Variants in EEF1AKMT2 observed in about 807,000 individuals in gnomAD.
EEF1AKMT2 encodes the protein EEF1A lysine methyltransferase 2, also known as eukaryotic translation elongation factor 1 alpha lysine methyltransferase 2.
In EEF1AKMT2, 32 loss-of-function variants were observed where a neutral mutation model predicts 35.8. The observed-to-expected ratio is 0.89, with a 90% CI of 0.67 to 1.20. The LOEUF (loss-of-function observed/expected upper bound fraction) is 1.20. Among genes scored for constraint, EEF1AKMT2 ranks in the 50% most tolerant of loss-of-function variants. The pLI, the probability that EEF1AKMT2 is intolerant of heterozygous loss-of-function variation, is 0.00. For synonymous variants in EEF1AKMT2, 121 were observed against 133.7 expected, an observed-to-expected ratio of 0.91 and a Z score of 0.65; for missense variants, 330 against 347.5, an observed-to-expected ratio of 0.95 and a Z score of 0.40.
At chr10:124,778,722 C>CA (rs11405149) in intron 3 of EEF1AKMT2, among the ~76,000 whole-genome samples, 64,792 of 119,200 alleles carry the variant, frequency 0.54, 17,188 homozygotes, top group South Asian at 0.67. Flanking sequence ...GACTCCGTAC[C>CA]AAAAAAAAAA....
In EEF1AKMT2 at chr10:124,791,745, G is replaced by A. The variant is rs201307810; in HGVS notation, c.89C>T (p.Ser30Leu). The A allele has an allele frequency of 1.6e-4, 261 of 1,592,054 alleles. 1 individual carries two copies. The highest frequency in any genetic ancestry group is 2.2e-4 in the Admixed American group (13 of 58,398). ...GSPGEDGFVPSALGTREHWDA... is the reference protein window; with the variant it reads ...GSPGEDGFVPLALGTREHWDA... Reference sequence around the variant, plus strand: ...TCACTGCTCGCGGGTCCCCAGCGCCGACGGGACGAAACCGTCCTCCCCGGG... The same window carrying A: ...TCACTGCTCGCGGGTCCCCAGCGCCAACGGGACGAAACCGTCCTCCCCGGG... The change falls in exon 1 of 7, where the codon TCG becomes TTG. Residue 30 changes from serine to leucine, a missense_variant. Transcript: ENST00000368836.
chr10:124,764,005 A>G (rs1257378064), intron 5 of EEF1AKMT2, among the ~76,000 whole-genome samples: 2 of 152,218 alleles, frequency 1.3e-5, no homozygotes, highest in Non-Finnish European at 2.9e-5. Context: ...TCAAGCCTCA[A>G]ACACTTCAGG....
chr10:124,789,970 C>T (rs1249157146), intron 2 of EEF1AKMT2, among the ~76,000 whole-genome samples: 1 of 151,586 alleles, frequency 6.6e-6, no homozygotes, highest in East Asian at 1.9e-4. Flanking sequence ...CAGCTCACTG[C>T]AATCTCCGCC....
chr10:124,756,673 C>G (rs1950288959), downstream of EEF1AKMT2, among the ~76,000 whole-genome samples: 1 of 152,160 alleles, frequency 6.6e-6, no homozygotes, highest in Non-Finnish European at 1.5e-5. Context: ...CAACAACACT[C>G]CAGGGATTTT....
At position 124,765,753 on chromosome 10, in the gene EEF1AKMT2, T is replaced by C. The variant is rs564106265; in HGVS notation, c.400-145A>G. 12 of 624,376 alleles carry C rather than the reference T, an allele frequency of 1.9e-5. No individual in the cohort carries two copies. The Admixed American group carries it at 2.5e-4, about 13-fold the overall frequency. 38.7% of individuals were successfully genotyped at this position (624,376 alleles called of 1,614,324 possible). On this transcript the variant is annotated intron_variant, in intron 4 of 6. Transcript: ENST00000368836. Reference sequence around the variant, plus strand: ...TATAATAAACATATTTTCAACTTTATAGCTAACTTTTATGAGCTTCAGTCC... The same window carrying C: ...TATAATAAACATATTTTCAACTTTACAGCTAACTTTTATGAGCTTCAGTCC...
intron 3 of EEF1AKMT2, among the ~76,000 whole-genome samples, chr10:124,777,426 T>C (rs1950497380): frequency 6.6e-6 from 1 of 152,096 alleles, no homozygotes; most frequent in South Asian, 2.1e-4. Context: ...CTACATGGTA[T>C]GGCTTATTAC....
At chr10:124,781,038 C>T (rs958196398) in intron 3 of EEF1AKMT2, among the ~76,000 whole-genome samples, 1 of 151,844 alleles carries the variant, frequency 6.6e-6, no homozygotes, top group African/African-American at 2.4e-5. Context: ...CCCCGCCTCC[C>T]GGGTTCAAGC....
At chr10:124,771,445 A>C (rs1277114810) in intron 4 of EEF1AKMT2, among the ~76,000 whole-genome samples, 2 of 152,100 alleles carry the variant, frequency 1.3e-5, no homozygotes, top group Non-Finnish European at 2.9e-5. Flanking sequence ...GCATCAGACG[A>C]ATCACTATCT....
At chr10:124,778,252 T>C (rs1950506376) in intron 3 of EEF1AKMT2, among the ~76,000 whole-genome samples, 1 of 151,996 alleles carries the variant, frequency 6.6e-6, no homozygotes, top group South Asian at 2.1e-4. Context: ...CCAATCCATA[T>C]GTGGAATCTG....
intron 3 of EEF1AKMT2, among the ~76,000 whole-genome samples, chr10:124,784,036 C>G (rs934365998): frequency 3.9e-5 from 6 of 152,054 alleles, no homozygotes; most frequent in African/African-American, 1.2e-4. Context: ...GTTGGTCAGG[C>G]TGGTCTTAAA....
In EEF1AKMT2 at chr10:124,791,819, A is replaced by T; in HGVS notation, c.15T>A (p.Ala5=). The change falls in exon 1 of 7, where the codon GCT becomes GCA. Residue 5 remains alanine, a synonymous_variant. Transcript: ENST00000368836. MSSG[A]DGGGGAAVAA... is the part of the protein sequence containing the mutation. ...CCACCGCAGCGCCACCGCCGCCGTC[A>T]GCGCCCGAGCTCATTTCGCTCCACG... is the stretch of plus-strand genomic sequence containing the variant. 1 of 1,582,160 alleles carries T rather than the reference A, an allele frequency of 6.3e-7. No individual in the cohort carries two copies.
chr10:124,782,232 C>G (rs1242353067), intron 3 of EEF1AKMT2, among the ~76,000 whole-genome samples: 1 of 152,172 alleles, frequency 6.6e-6, no homozygotes, highest in East Asian at 1.9e-4. Context: ...CACAGTGGCT[C>G]AAGCCTGTAA....
chr10:124,774,733 G>A lies in EEF1AKMT2; in HGVS notation c.341C>T (p.Ala114Val), dbSNP rs765714970. The change falls in exon 4 of 7, where the codon GCA becomes GTA. Residue 114 changes from alanine to valine, a missense_variant. Transcript: ENST00000368836. ...TATAATACTTCCAGAAAGCTGAATT[G>A]CAGAAGGAGAGTAATCAATTCCAGT... ...NITGIDYSPS[A>V]IQLSGSIIEK... The A allele has an allele frequency of 4.7e-6, 7 of 1,485,534 alleles. No individual in the cohort carries two copies. Among genetic ancestry groups the A allele is most frequent in the Non-Finnish European group, 5.3e-6 (6 of 1,122,226 alleles). 92.0% of individuals were successfully genotyped at this position (1,485,534 alleles called of 1,614,324 possible). A position where few individuals can be genotyped will look rare whatever the true frequency, so the allele number is the denominator to read the frequency against.
At chr10:124,757,544 T>G (rs1192257524), downstream of EEF1AKMT2, among the ~76,000 whole-genome samples, 1 of 152,176 alleles carries the variant, frequency 6.6e-6, no homozygotes, top group East Asian at 1.9e-4. Flanking sequence ...ACTACTAATA[T>G]AAGTTCCTTA....
In EEF1AKMT2 at chr10:124,758,678, A is replaced by G. The variant is rs188223703; in HGVS notation, c.*1825T>C. 6.6e-6 allele frequency: 1 copy of G among 152,132 alleles called. No individual in the cohort carries two copies. Among genetic ancestry groups the G allele is most frequent in the African/African-American group, 2.4e-5 (1 of 41,454 alleles). 9.4% of individuals were successfully genotyped at this position (152,132 alleles called of 1,614,324 possible). A position where few individuals can be genotyped will look rare whatever the true frequency, so the allele number is the denominator to read the frequency against. ...GTTTGTAGGATTAGCACATTAAAATAGCATATACTTAACTCAAAATTCTAA... is the reference window on the plus strand; with the variant it reads ...GTTTGTAGGATTAGCACATTAAAATGGCATATACTTAACTCAAAATTCTAA... On this transcript the variant is annotated 3_prime_UTR_variant, in exon 7 of 7. Coordinates refer to ENST00000368836, the MANE Select transcript of EEF1AKMT2 (RefSeq NM_212554.4).
intron 3 of EEF1AKMT2, among the ~76,000 whole-genome samples, chr10:124,786,088 G>C (rs940880234): frequency 6.6e-5 from 10 of 152,216 alleles, no homozygotes; most frequent in African/African-American, 2.2e-4. Flanking sequence ...GAAGGAGTGG[G>C]AGGGGCCACA....
At chr10:124,788,734 T>TATATATATATATA (rs1554920507) in intron 3 of EEF1AKMT2, among the ~76,000 whole-genome samples, 1 of 50,150 alleles carries the variant, frequency 2.0e-5, no homozygotes. Flanking sequence ...ATATATGCAT[T>TATATATATATATA]TCTAGAGTTT....
chr10:124,781,834 T>A (rs1950542933), intron 3 of EEF1AKMT2, among the ~76,000 whole-genome samples: 1 of 151,392 alleles, frequency 6.6e-6, no homozygotes, highest in Non-Finnish European at 1.5e-5. Flanking sequence ...CTTCTCCTAG[T>A]GCATTCCTTA....
intron 4 of EEF1AKMT2, among the ~76,000 whole-genome samples, chr10:124,770,646 GGAGTACATGATATTGTTT>G (rs554233763): frequency 1.1e-3 from 163 of 152,244 alleles, no homozygotes; most frequent in African/African-American, 3.8e-3. Context: ...AAATTTCTCT[GGAGTACATGATATTGTTT>G]GATAGCATTT....
Sources: gnomAD v4.1 joint callset for allele counts (sites outside exome capture counted in the v4.1 genomes callset) on GRCh38, gnomAD v4.1.1 for gene constraint, MANE v1.5 for transcripts, NCBI Gene and HGNC (gene_info 2026-07-23, HGNC 2026-07-21) for gene names.